The following NEGR1 variants were observed in gnomAD, a reference collection of about 807,000 sequenced individuals.
NEGR1 encodes IgLON family member 4.
NEGR1 carries 10 observed loss-of-function variants against 40.9 expected under a neutral mutation model. The ratio of observed to expected loss-of-function variants is 0.24; its 90% CI spans 0.15 to 0.42. The LOEUF (loss-of-function observed/expected upper bound fraction) is 0.42, where lower values mean the gene tolerates loss of function less well. Ranked by LOEUF, NEGR1 falls within the 10% of genes least tolerant of loss-of-function variation. NEGR1 has a pLI of 1.00. For missense variants in NEGR1, 352 were observed against 438.9 expected (o/e 0.80, Z 1.77); for synonymous variants, 185 against 166.8 (o/e 1.11, Z -0.84).
chr1:71,495,452 G>T (rs1293960327), intron 6 of NEGR1, among the ~76,000 whole-genome samples: 2 of 149,976 alleles, frequency 1.3e-5, no homozygotes, highest in Non-Finnish European at 3.0e-5. Context: ...ACTCCAGCCT[G>T]GGCAATAGAG....
rs1178557332 is a variant in NEGR1, at chr1:71,520,455, T to C, written c.940+72362A>G. The stretch of plus-strand genomic sequence containing the variant: ...TTTTGTGTGCCAGAGAAATCTCCCT[T>C]GGACAGGCTTAAGTGAGGGAGTCAA... On this transcript the variant is annotated intron_variant, in intron 6 of 6. Coordinates refer to ENST00000357731, the MANE Select transcript of NEGR1 (RefSeq NM_173808.3). Among the ~76,000 whole-genome samples, 4 of 152,072 alleles carry C rather than the reference T, an allele frequency of 2.6e-5. No homozygotes were observed. The South Asian group carries it at 8.3e-4, about 31-fold the overall frequency.
chr1:72,281,290 A>G (rs2100572371), intron 1 of NEGR1, among the ~76,000 whole-genome samples: 1 of 152,332 alleles, frequency 6.6e-6, no homozygotes, highest in Admixed American at 6.5e-5. Flanking sequence ...CAGTGTGTAC[A>G]CATGTGTGAG....
At chr1:71,980,282 A>C (rs1646343038) in intron 1 of NEGR1, among the ~76,000 whole-genome samples, 1 of 152,202 alleles carries the variant, frequency 6.6e-6, no homozygotes, top group African/African-American at 2.4e-5. Flanking sequence ...AACAAAGAAA[A>C]AATTAAAATG....
chr1:71,903,520 AC>A (rs1661196305), intron 2 of NEGR1, among the ~76,000 whole-genome samples: 1 of 151,918 alleles, frequency 6.6e-6, no homozygotes, highest in African/African-American at 2.4e-5. Flanking sequence ...TACCGGTGTG[AC>A]CTCAATCTTT....
chr1:72,277,769 T>A (rs1235903430), intron 1 of NEGR1, among the ~76,000 whole-genome samples: 18 of 152,254 alleles, frequency 1.2e-4, no homozygotes, highest in Admixed American at 9.8e-4. Context: ...AGTGCCTTAA[T>A]GTCCTAAATT....
chr1:71,912,293 A>T (rs185196277), intron 2 of NEGR1, among the ~76,000 whole-genome samples: 1 of 152,236 alleles, frequency 6.6e-6, no homozygotes, highest in Admixed American at 6.5e-5. Context: ...AAAGTTTTCA[A>T]TAGGGAGTAA....
intron 2 of NEGR1, among the ~76,000 whole-genome samples, chr1:71,828,029 G>A (rs565266131): frequency 6.6e-6 from 1 of 152,040 alleles, no homozygotes; most frequent in Admixed American, 6.6e-5. Flanking sequence ...CAACTGAAGA[G>A]CAGCATTTGC....
At chr1:71,846,151 C>T (rs1386468195) in intron 2 of NEGR1, among the ~76,000 whole-genome samples, 1 of 152,026 alleles carries the variant, frequency 6.6e-6, no homozygotes, top group African/African-American at 2.4e-5. Context: ...GGTTGTTATT[C>T]TCTTCCTTAC....
intron 1 of NEGR1, among the ~76,000 whole-genome samples, chr1:72,002,452 A>G (rs535096308): frequency 2.0e-5 from 3 of 152,300 alleles, no homozygotes; most frequent in East Asian, 3.9e-4. Flanking sequence ...AAGTAGTATG[A>G]TAACTCTAAT....
intron 2 of NEGR1, among the ~76,000 whole-genome samples, chr1:71,813,069 T>G (rs1658061815): frequency 6.6e-6 from 1 of 152,084 alleles, no homozygotes; most frequent in Admixed American, 6.6e-5. Context: ...ATTTGGATTT[T>G]ATATTTAAGT....
At chr1:71,857,536 G>A (rs1208945624) in intron 2 of NEGR1, among the ~76,000 whole-genome samples, 1 of 143,868 alleles carries the variant, frequency 7.0e-6, no homozygotes, top group African/African-American at 2.6e-5. Flanking sequence ...TCTGAAGTGG[G>A]AAGATCATTT....
intron 1 of NEGR1, among the ~76,000 whole-genome samples, chr1:72,128,470 T>C (rs1418523705): frequency 6.6e-6 from 1 of 152,068 alleles, no homozygotes; most frequent in African/African-American, 2.4e-5. Context: ...TAATTTGAAA[T>C]TGAAACACAA....
chr1:71,858,789 A>G (rs79536016), intron 2 of NEGR1, among the ~76,000 whole-genome samples: 2,647 of 152,256 alleles, frequency 0.017, 37 homozygotes, highest in Admixed American at 0.031. Context: ...ATTTCAAAAT[A>G]TCATTTAATT....
intron 1 of NEGR1, among the ~76,000 whole-genome samples, chr1:72,190,487 G>A (rs534138106): frequency 6.6e-6 from 1 of 151,456 alleles, no homozygotes; most frequent in South Asian, 2.1e-4. Context: ...GTATCTATAT[G>A]GAATGGAGAT....
intron 1 of NEGR1, among the ~76,000 whole-genome samples, chr1:72,046,505 A>T (rs1322208475): frequency 1.3e-5 from 2 of 151,688 alleles, no homozygotes; most frequent in Non-Finnish European, 3.0e-5. Flanking sequence ...CTTCATGATT[A>T]TAGCCAGATA....
At chr1:71,712,929 G>C (rs567883472) in intron 3 of NEGR1, among the ~76,000 whole-genome samples, 1 of 152,234 alleles carries the variant, frequency 6.6e-6, no homozygotes, top group African/African-American at 2.4e-5. Flanking sequence ...TGCCACAATT[G>C]TAAGTTTCCT....
At chr1:71,985,215 A>C (rs555462979) in intron 1 of NEGR1, among the ~76,000 whole-genome samples, 2 of 152,218 alleles carry the variant, frequency 1.3e-5, no homozygotes, top group Admixed American at 6.5e-5. Flanking sequence ...ATCATAAATA[A>C]AAAGCAGCCG....
At chr1:72,238,389 T>C (rs1268562612) in intron 1 of NEGR1, among the ~76,000 whole-genome samples, 1 of 151,960 alleles carries the variant, frequency 6.6e-6, no homozygotes, top group Non-Finnish European at 1.5e-5. Context: ...CTGTAAACTA[T>C]ATAAAACATG....
At chr1:71,878,228 T>A (rs1302352832) in intron 2 of NEGR1, among the ~76,000 whole-genome samples, 1 of 152,210 alleles carries the variant, frequency 6.6e-6, no homozygotes, top group Admixed American at 6.5e-5. Context: ...ACAACATACC[T>A]GTATAAATTT....
Sources: gnomAD v4.1 joint callset for allele counts (sites outside exome capture counted in the v4.1 genomes callset) on GRCh38, gnomAD v4.1.1 for gene constraint, MANE v1.5 for transcripts, NCBI Gene and HGNC (gene_info 2026-07-23, HGNC 2026-07-21) for gene names.